The following RAD9B variants were observed in gnomAD, a reference collection of about 807,000 sequenced individuals.
RAD9B encodes the protein RAD9 checkpoint clamp component B, also known as cell cycle checkpoint control protein RAD9B.
In RAD9B, 41 loss-of-function variants were observed where a neutral mutation model predicts 48.3. The ratio of observed to expected loss-of-function variants is 0.85; its 90% confidence interval spans 0.66 to 1.10. RAD9B has a LOEUF of 1.10. Among genes scored for constraint, RAD9B ranks in the 50% least tolerant of loss-of-function variants. The pLI is 0.00. For synonymous variants in RAD9B, 160 were observed against 157.9 expected (o/e 1.01, Z -0.10); for missense variants, 444 against 485.1 (o/e 0.92, Z 0.80).
chr12:110,525,369 G>T (rs1238738941), intron 10 of RAD9B, among the ~76,000 whole-genome samples: 1 of 151,734 alleles, frequency 6.6e-6, no homozygotes, highest in African/African-American at 2.4e-5. Flanking sequence ...CAAGTGATCC[G>T]CCCTCCTTGG....
In RAD9B at chr12:110,530,288, G is replaced by A. The variant is rs1180685202; in HGVS notation, c.1126-237G>A. On this transcript the variant is annotated intron_variant, in intron 10 of 10. Transcript: ENST00000409300. ...TCTCGATCTCCTGACCTCGTGATCC[G>A]CCCACCTTGGCCTCTCAAAGTACTG... Among the ~76,000 whole-genome samples the A allele has an allele frequency of 5.3e-5, 8 of 151,958 alleles. No homozygotes were observed. In the East Asian group the frequency reaches 9.7e-4, roughly 18 times the overall value.
At chr12:110,519,026 C>A (rs2063694305) in intron 8 of RAD9B, 88 bp downstream of exon 8, 1 of 842,802 alleles carries the variant, frequency 1.2e-6, no homozygotes, top group Non-Finnish European at 1.9e-6. Flanking sequence ...TTAATTAACA[C>A]CTCAGGAATA....
At chr12:110,516,984 A>G (rs1053708467) in intron 6 of RAD9B, among the ~76,000 whole-genome samples, 3 of 152,092 alleles carry the variant, frequency 2.0e-5, no homozygotes, top group African/African-American at 2.4e-5. Flanking sequence ...ATCTCCTTCT[A>G]TACTTTAGAT....
intron 1 of RAD9B, 150 bp downstream of exon 1, chr12:110,502,533 C>T: frequency 2.5e-6 from 2 of 813,798 alleles, no homozygotes; most frequent in Non-Finnish European, 4.0e-6. Context: ...ACTCAAGTCC[C>T]TGTTAACTTC....
At position 110,530,674 on chromosome 12, in the gene RAD9B, G is replaced by A. The variant is rs767651282; in HGVS notation, c.*21G>A. ...TCTAATGCTTAATGATGGCTGAGCT[G>A]GGCCCCAGCCCAGTGACTGGCTCAT... On this transcript the variant is annotated 3_prime_UTR_variant, in exon 11 of 11. Transcript: ENST00000409300. 8 of 1,613,134 alleles carry A rather than the reference G, an allele frequency of 5.0e-6. No homozygotes were observed. Among genetic ancestry groups the A allele is most frequent in the Non-Finnish European group, 6.8e-6 (8 of 1,179,372 alleles).
rs78357788 is a variant in RAD9B at position 110,504,867 on chromosome 12, A to G, written c.118-750A>G. Among the ~76,000 whole-genome samples, 1,042 of 152,046 alleles carry G rather than the reference A, an allele frequency of 6.9e-3. 1 individual carries two copies. The highest frequency in any genetic ancestry group is 9.4e-3 in the Non-Finnish European group (636 of 68,012). On this transcript the variant is annotated intron_variant, in intron 2 of 10. Transcript: ENST00000409300. ...AAATTTTAAAAATTAGTCGGGTGAT[A>G]TGTTGTGTGCCTGTAGTCCCAGCTA...
At chr12:110,528,505 TCAAATGG>T (rs894774652) in intron 10 of RAD9B, among the ~76,000 whole-genome samples, 11 of 152,212 alleles carry the variant, frequency 7.2e-5, no homozygotes, top group Admixed American at 7.2e-4. Flanking sequence ...TCATAAGGCC[TCAAATGG>T]CAGCAGCGCT....
chr12:110,509,725 C>T (rs2063405184), intron 4 of RAD9B, among the ~76,000 whole-genome samples: 2 of 152,178 alleles, frequency 1.3e-5, no homozygotes, highest in African/African-American at 4.8e-5. Context: ...TGCACATCCT[C>T]AGCAATACCA....
chr12:110,528,510 T>C (rs1224108596), intron 10 of RAD9B, among the ~76,000 whole-genome samples: 3 of 152,220 alleles, frequency 2.0e-5, no homozygotes, highest in African/African-American at 7.2e-5. Context: ...AGGCCTCAAA[T>C]GGCAGCAGCG....
intron 1 of RAD9B, 67 bp from the exon 2 acceptor site, chr12:110,503,739 A>G: frequency 9.2e-7 from 1 of 1,091,016 alleles, no homozygotes; most frequent in Non-Finnish European, 1.4e-6. Flanking sequence ...ATGCTGAACT[A>G]GTCTTGTGAT....
At chr12:110,530,186 G>C (rs1349734930) in intron 10 of RAD9B, among the ~76,000 whole-genome samples, 2 of 152,150 alleles carry the variant, frequency 1.3e-5, no homozygotes, top group Non-Finnish European at 2.9e-5. Context: ...AGGACTACAG[G>C]TGTCCGCCAC....
At chr12:110,516,228 A>G (rs1249186325) in intron 6 of RAD9B, among the ~76,000 whole-genome samples, 1 of 149,666 alleles carries the variant, frequency 6.7e-6, no homozygotes, top group African/African-American at 2.4e-5. Flanking sequence ...TCTTGTCTCA[A>G]AAAAAAAAAA....
chr12:110,508,656 C>T (rs1482551837), intron 4 of RAD9B, among the ~76,000 whole-genome samples: 2 of 152,146 alleles, frequency 1.3e-5, no homozygotes, highest in African/African-American at 4.8e-5. Context: ...GAGTCAGGGT[C>T]TCGTCATGTT....
chr12:110,530,597 G>A lies in RAD9B; in HGVS notation c.1198G>A (p.Ala400Thr). The change falls in exon 11 of 11, where the codon GCA (alanine) becomes ACA (threonine). Residue 400 changes from alanine (A) to threonine (T), a missense_variant. Physicochemically the swap from Ala to Thr is moderately conservative, Grantham distance 58. Coordinates refer to ENST00000409300, the MANE Select transcript of RAD9B (RefSeq NM_001286535.2). ...EHFNHPFDSL[A>T]RASDSEEDMN... Reference sequence around the variant, plus strand: ...CTTCAACCACCCTTTCGACAGTCTGGCAAGAGCAAGTGACAGTGAAGAGGA... The same window carrying A: ...CTTCAACCACCCTTTCGACAGTCTGACAAGAGCAAGTGACAGTGAAGAGGA... 6.2e-7 allele frequency: 1 copy of A among 1,613,942 alleles called. No homozygotes were observed. Among genetic ancestry groups the A allele is most frequent in the Non-Finnish European group, 8.5e-7 (1 of 1,179,846 alleles).
chr12:110,529,808 G>C (rs2064072414), intron 10 of RAD9B, among the ~76,000 whole-genome samples: 1 of 152,182 alleles, frequency 6.6e-6, no homozygotes, highest in South Asian at 2.1e-4. Context: ...CAGGGTGCTG[G>C]GATGCAGAGA....
At chr12:110,509,606 G>GA (rs1210151431) in intron 4 of RAD9B, among the ~76,000 whole-genome samples, 4 of 152,160 alleles carry the variant, frequency 2.6e-5, no homozygotes, top group South Asian at 4.1e-4. Context: ...GGAGAAGTGT[G>GA]AAAAAATACC....
intron 5 of RAD9B, 77 bp from the exon 6 acceptor site, chr12:110,514,973 T>C (rs879543514): frequency 2.4e-6 from 2 of 838,692 alleles, no homozygotes; most frequent in Non-Finnish European, 1.8e-6. Context: ...AGATTAGAGA[T>C]TTGAGTCCCA....
chr12:110,502,734 G>T (rs538522786), intron 1 of RAD9B: 103 of 181,730 alleles, frequency 5.7e-4, no homozygotes, highest in Admixed American at 2.6e-3. Flanking sequence ...CATTAACCTG[G>T]TTTTTTTTTT....
At chr12:110,513,692 A>ATATTAT (rs147828355) in intron 5 of RAD9B, among the ~76,000 whole-genome samples, 97 of 140,584 alleles carry the variant, frequency 6.9e-4, no homozygotes, top group South Asian at 9.1e-4. Context: ...TATTGTTTTT[A>ATATTAT]TATTATTATT....
Sources: allele counts gnomAD v4.1 joint callset (sites outside exome capture counted in the v4.1 genomes callset), GRCh38; gene constraint gnomAD v4.1.1; transcripts MANE v1.5; gene names NCBI Gene and HGNC (gene_info 2026-07-23, HGNC 2026-07-21).